The following CAST variants were observed in gnomAD, a reference collection of about 807,000 sequenced individuals.
The protein encoded by CAST is calpastatin, also known as MIR583 host.
Under a neutral mutation model 119.6 loss-of-function variants are expected in CAST, and 76 were observed. The observed-to-expected ratio is 0.64, with a 90% CI of 0.53 to 0.77. The LOEUF (loss-of-function observed/expected upper bound fraction) is 0.77, where lower values mean the gene tolerates loss of function less well. CAST is among the 30% of genes least tolerant of loss of function. The pLI is 0.00. For synonymous variants in CAST, 319 were observed against 331.6 expected (o/e 0.96, Z 0.41); for missense variants, 953 against 946.5 (o/e 1.01, Z -0.09).
intron 16 of CAST, among the ~76,000 whole-genome samples, chr5:96,744,842 A>C (rs930444270): frequency 1.2e-4 from 18 of 152,186 alleles, no homozygotes. Flanking sequence ...ACCCATGCCT[A>C]CTTGGTATTC....
chr5:96,201,220 T>C, the CAST span, among the ~76,000 whole-genome samples: 1 of 152,166 alleles, frequency 6.6e-6, no homozygotes, highest in Non-Finnish European at 1.5e-5. Flanking sequence ...TTAACAAATA[T>C]GCCATTCACT....
chr5:96,677,959 C>A (rs1750904372), intron 2 of CAST, among the ~76,000 whole-genome samples: 1 of 152,058 alleles, frequency 6.6e-6, no homozygotes, highest in Non-Finnish European at 1.5e-5. Flanking sequence ...TCTCAAAGGG[C>A]CTCATTCTTT....
chr5:96,321,154 C>T, the CAST span, among the ~76,000 whole-genome samples: 2 of 152,172 alleles, frequency 1.3e-5, no homozygotes, highest in Non-Finnish European at 2.9e-5. Context: ...CACCTCGGCC[C>T]TAGTGACATT....
chr5:96,108,436 T>C, the CAST span, among the ~76,000 whole-genome samples: 8 of 152,214 alleles, frequency 5.3e-5, no homozygotes, highest in Non-Finnish European at 1.0e-4. Flanking sequence ...TAGTTTTCCT[T>C]CTAACAGACA....
chr5:96,390,497 T>G, the CAST span: 1 of 152,536 alleles, frequency 6.6e-6, no homozygotes, highest in East Asian at 1.9e-4. Context: ...AGCTACATGT[T>G]GTATTAGGCT....
the CAST span, among the ~76,000 whole-genome samples, chr5:96,227,995 T>TTC: frequency 1.9e-4 from 26 of 139,576 alleles, no homozygotes; most frequent in Admixed American, 1.5e-3. Flanking sequence ...GTCTCCCTCT[T>TTC]TCTCTCTCTG....
intron 1 of CAST, among the ~76,000 whole-genome samples, chr5:96,607,766 A>G (rs544251591): frequency 2.6e-5 from 4 of 151,580 alleles, no homozygotes; most frequent in African/African-American, 9.7e-5. Flanking sequence ...CCGGTGCAGA[A>G]GGTAAGGGTC....
chr5:96,160,350 C>T, the CAST span, among the ~76,000 whole-genome samples: 44 of 152,184 alleles, frequency 2.9e-4, no homozygotes, highest in Middle Eastern at 0.01. Context: ...TTAACATAAC[C>T]AGACTCATAC....
the CAST span, among the ~76,000 whole-genome samples, chr5:96,310,035 A>C: frequency 6.6e-6 from 1 of 152,188 alleles, no homozygotes; most frequent in Admixed American, 6.5e-5. Context: ...CCAGTTTTTC[A>C]CCATTGAGTA....
the CAST span, among the ~76,000 whole-genome samples, chr5:96,408,526 A>G: frequency 4.4e-4 from 67 of 152,336 alleles, no homozygotes; most frequent in African/African-American, 1.5e-3. Flanking sequence ...CAACTTCTCT[A>G]TAATTCTGGC....
At chr5:96,247,275 T>G in the CAST span, among the ~76,000 whole-genome samples, 5 of 152,210 alleles carry the variant, frequency 3.3e-5, no homozygotes, top group Admixed American at 2.6e-4. Context: ...TGAGTTGGAT[T>G]CTGGGCAGAA....
chr5:96,515,706 C>T, the CAST span, among the ~76,000 whole-genome samples: 1 of 152,090 alleles, frequency 6.6e-6, no homozygotes, highest in Non-Finnish European at 1.5e-5. Context: ...GGGTTGGGTA[C>T]CAGAGAGCAA....
chr5:96,259,898 T>TA, the CAST span, among the ~76,000 whole-genome samples: 9 of 151,584 alleles, frequency 5.9e-5, 1 homozygote, highest in East Asian at 1.7e-3. Context: ...TTTTTTTTTT[T>TA]AAATTATGTT....
At chr5:96,433,342 G>T in the CAST span, 136 of 443,016 alleles carry the variant, frequency 3.1e-4, no homozygotes, top group Non-Finnish European at 4.1e-4. Flanking sequence ...CCTGGACTAA[G>T]ATCCGAATGG....
the CAST span, among the ~76,000 whole-genome samples, chr5:96,065,945 C>T: frequency 1.3e-5 from 2 of 152,144 alleles, no homozygotes; most frequent in Admixed American, 1.3e-4. Context: ...GAGTCAGGAA[C>T]TGTATTAAGG....
At chr5:96,244,014 C>G in the CAST span, among the ~76,000 whole-genome samples, 1 of 152,128 alleles carries the variant, frequency 6.6e-6, no homozygotes, top group Non-Finnish European at 1.5e-5. Context: ...TGAGTGCACT[C>G]TTATTATTCT....
At chr5:96,536,706 T>C (rs1745822652) in intron 1 of CAST, among the ~76,000 whole-genome samples, 1 of 152,238 alleles carries the variant, frequency 6.6e-6, no homozygotes, top group Non-Finnish European at 1.5e-5. Context: ...CTATTAAATC[T>C]GTGCATTATG....
chr5:96,112,532 A>G, the CAST span, among the ~76,000 whole-genome samples: 1 of 152,220 alleles, frequency 6.6e-6, no homozygotes, highest in African/African-American at 2.4e-5. Flanking sequence ...TGTATAATAC[A>G]TAGTTGCTAT....
the CAST span, among the ~76,000 whole-genome samples, chr5:96,024,649 T>C: frequency 9.9e-5 from 15 of 152,180 alleles, no homozygotes; most frequent in Non-Finnish European, 1.3e-4. Flanking sequence ...GACCTCTACT[T>C]CTACTGCATT....
Sources: gnomAD v4.1 joint callset for allele counts (sites outside exome capture counted in the v4.1 genomes callset) on GRCh38, gnomAD v4.1.1 for gene constraint, MANE v1.5 for transcripts, NCBI Gene and HGNC (gene_info 2026-07-23, HGNC 2026-07-21) for gene names.